Variants in PDIA5 observed in about 807,000 individuals in gnomAD.
The protein encoded by PDIA5 is protein disulfide isomerase family A member 5.
PDIA5 carries 58 observed loss-of-function variants against 77.6 expected under a neutral mutation model. That is an observed-to-expected ratio of 0.75 (90% confidence interval 0.61 to 0.93). PDIA5 has a LOEUF of 0.93. PDIA5 is among the 40% of genes least tolerant of loss of function. PDIA5 has a pLI of 0.00. For missense variants in PDIA5, 630 were observed against 647.7 expected (o/e 0.97, Z 0.30); for synonymous variants, 250 against 252.1 (o/e 0.99, Z 0.08).
chr3:123,115,103 G>A (rs903419981), intron 7 of PDIA5, among the ~76,000 whole-genome samples: 1 of 152,174 alleles, frequency 6.6e-6, no homozygotes, highest in African/African-American at 2.4e-5. Context: ...TCGCCACATG[G>A]ACCCTGTGCC....
intron 11 of PDIA5, among the ~76,000 whole-genome samples, chr3:123,135,038 G>A (rs752686112): frequency 2.0e-5 from 3 of 152,248 alleles, no homozygotes; most frequent in Non-Finnish European, 2.9e-5. Flanking sequence ...CCACCCTGCA[G>A]GCGACGGAGA....
rs751661448 is a variant in PDIA5 at position 123,150,375 on chromosome 3, TG to T, written c.1273+14del. On this transcript the variant is annotated intron_variant, in intron 14 of 16. Transcript: ENST00000316218. ...TGTTCTACGCCCCTTGTAAGTAGCT[TG>T]GGTGCTCACTGAGTGGCACAGTAAG... is the stretch of plus-strand genomic sequence containing the variant. 125 of 1,611,914 alleles carry T rather than the reference TG, an allele frequency of 7.8e-5. No individual in the cohort carries two copies. Among genetic ancestry groups the T allele is most frequent in the Non-Finnish European group, 1.0e-4 (119 of 1,179,020 alleles).
intron 14 of PDIA5, among the ~76,000 whole-genome samples, chr3:123,154,226 A>G (rs1041701548): frequency 6.6e-6 from 1 of 152,270 alleles, no homozygotes; most frequent in African/African-American, 2.4e-5. Flanking sequence ...TAGGGGCCCC[A>G]GTATAGCTCA....
intron 2 of PDIA5, among the ~76,000 whole-genome samples, chr3:123,090,280 G>A (rs1253343211): frequency 1.3e-5 from 2 of 152,234 alleles, no homozygotes; most frequent in Non-Finnish European, 2.9e-5. Context: ...AGGAATAGGG[G>A]CGAAATCAAG....
intron 15 of PDIA5, among the ~76,000 whole-genome samples, chr3:123,159,625 T>C (rs978863777): frequency 2.6e-5 from 4 of 152,194 alleles, no homozygotes; most frequent in Non-Finnish European, 5.9e-5. Flanking sequence ...TCAGATTTAT[T>C]TTTTTTGTTG....
intron 15 of PDIA5, among the ~76,000 whole-genome samples, chr3:123,158,279 A>G (rs1028471248): frequency 6.6e-6 from 1 of 152,236 alleles, no homozygotes; most frequent in Non-Finnish European, 1.5e-5. Flanking sequence ...CAGTGCTCAT[A>G]TTGCTGAAGA....
At position 123,157,161 on chromosome 3, in the gene PDIA5, A is replaced by G. The variant is rs79832299; in HGVS notation, c.1344+2120A>G. Among the ~76,000 whole-genome samples, 333 of 152,258 alleles carry G rather than the reference A, an allele frequency of 2.2e-3. 1 individual carries two copies. Among genetic ancestry groups the G allele is most frequent in the African/African-American group, 6.6e-3 (276 of 41,540 alleles). On this transcript the variant is annotated intron_variant, in intron 15 of 16. Coordinates refer to ENST00000316218, the MANE Select transcript of PDIA5 (RefSeq NM_006810.4). The stretch of plus-strand genomic sequence containing the variant: ...CCAGGGATCACCCTCACTTGCATTC[A>G]GGAATGCACTTCATAACCTCTCTGT...
At chr3:123,107,699 G>A (rs1428219632) in intron 6 of PDIA5, among the ~76,000 whole-genome samples, 1 of 152,198 alleles carries the variant, frequency 6.6e-6, no homozygotes, top group Non-Finnish European at 1.5e-5. Flanking sequence ...GGCAAGCAGT[G>A]CTTTTTGTAG....
At chr3:123,148,295 C>T (rs1026652162) in intron 13 of PDIA5, among the ~76,000 whole-genome samples, 7 of 152,220 alleles carry the variant, frequency 4.6e-5, no homozygotes, top group South Asian at 2.1e-4. Context: ...TGGCCGGGCA[C>T]GGTGGCTCAT....
intron 15 of PDIA5, among the ~76,000 whole-genome samples, chr3:123,156,473 C>G (rs1159116074): frequency 6.6e-6 from 1 of 152,246 alleles, no homozygotes; most frequent in African/African-American, 2.4e-5. Flanking sequence ...ATTGTTCCCA[C>G]CCACTTGTGC....
chr3:123,108,424 G>T (rs1440147371), intron 6 of PDIA5, among the ~76,000 whole-genome samples: 1 of 151,460 alleles, frequency 6.6e-6, no homozygotes, highest in Non-Finnish European at 1.5e-5. Context: ...GGGATTACAG[G>T]TGTGTGCCAC....
In PDIA5 at chr3:123,122,279, G is replaced by GA. The variant is rs376851087; in HGVS notation, c.610-1778dup. Among the ~76,000 whole-genome samples, 86 of 150,664 alleles carry GA rather than the reference G, an allele frequency of 5.7e-4. 1 individual carries two copies. Among genetic ancestry groups the GA allele is most frequent in the Middle Eastern group, 3.4e-3 (1 of 292 alleles). On this transcript the variant is annotated intron_variant, in intron 8 of 16. Coordinates refer to ENST00000316218, the MANE Select transcript of PDIA5 (RefSeq NM_006810.4). ...TGACACTGGGGAGATCAATTAGGCAGAAAAAAAAAGGACTTTTAAAGAAGA... is the reference window on the plus strand; with the variant it reads ...TGACACTGGGGAGATCAATTAGGCAGAAAAAAAAAAGGACTTTTAAAGAAGA...
chr3:123,110,876 C>T (rs368273777), intron 6 of PDIA5, 68 bp from the exon 7 acceptor site: 178 of 1,247,568 alleles, frequency 1.4e-4, no homozygotes, highest in South Asian at 3.6e-4. Flanking sequence ...GCAGGAGGGG[C>T]GGGGAGGGGG....
At chr3:123,068,997 G>T (rs921041346) in intron 1 of PDIA5, among the ~76,000 whole-genome samples, 8 of 152,198 alleles carry the variant, frequency 5.3e-5, no homozygotes, top group African/African-American at 1.9e-4. Context: ...TTCACCAGGA[G>T]GTGCGGAAGA....
chr3:123,100,247 A>G (rs1336983628), intron 3 of PDIA5, among the ~76,000 whole-genome samples: 1 of 152,248 alleles, frequency 6.6e-6, no homozygotes, highest in Non-Finnish European at 1.5e-5. Context: ...GTTGTTCTCA[A>G]ACAGACCCAC....
intron 1 of PDIA5, among the ~76,000 whole-genome samples, chr3:123,071,213 T>C (rs992916434): frequency 6.6e-6 from 1 of 152,104 alleles, no homozygotes; most frequent in Admixed American, 6.5e-5. Context: ...TATAGGAGAA[T>C]AGCGAGGCTT....
intron 11 of PDIA5, 137 bp downstream of exon 11, chr3:123,130,753 G>T: frequency 1.1e-6 from 1 of 948,284 alleles, no homozygotes; most frequent in Non-Finnish European, 1.6e-6. Context: ...GGGATGCAGT[G>T]GTGACAGGCG....
At chr3:123,149,664 C>A (rs1269044733) in intron 13 of PDIA5, among the ~76,000 whole-genome samples, 1 of 152,190 alleles carries the variant, frequency 6.6e-6, no homozygotes, top group Non-Finnish European at 1.5e-5. Flanking sequence ...TGAGTAGATG[C>A]TTTTCATACA....
At chr3:123,112,919 C>T (rs1934899933) in intron 7 of PDIA5, among the ~76,000 whole-genome samples, 1 of 152,160 alleles carries the variant, frequency 6.6e-6, no homozygotes, top group African/African-American at 2.4e-5. Flanking sequence ...CCCAGGCCTC[C>T]TCGCTGGCCC....
Sources: allele counts gnomAD v4.1 joint callset (sites outside exome capture counted in the v4.1 genomes callset), GRCh38; gene constraint gnomAD v4.1.1; transcripts MANE v1.5; gene names NCBI Gene and HGNC (gene_info 2026-07-23, HGNC 2026-07-21).